UGT2B7: variants seen among roughly 807,000 people sequenced by gnomAD.
UGT2B7 encodes the protein UDP-glucuronosyltransferase 2B7.
A neutral mutation model predicts 51.9 loss-of-function variants in UGT2B7; 51 were observed. The ratio of observed to expected loss-of-function variants is 0.98; its 90% CI spans 0.78 to 1.24. UGT2B7 has a LOEUF of 1.24. UGT2B7 is among the 50% of genes most tolerant of loss of function. The pLI is 0.00. For missense variants in UGT2B7, 727 were observed against 628.4 expected (o/e 1.16, Z -1.68); for synonymous variants, 225 against 211.6 (o/e 1.06, Z -0.55).
intron 1 of UGT2B7, among the ~76,000 whole-genome samples, chr4:69,062,845 G>T (rs1313699987): frequency 6.6e-6 from 1 of 152,080 alleles, no homozygotes; most frequent in Middle Eastern, 3.2e-3. Flanking sequence ...GAAATCTTAG[G>T]CCCAGTAATC....
chr4:69,106,114 A>G (rs959402994), intron 3 of UGT2B7, among the ~76,000 whole-genome samples: 3 of 152,100 alleles, frequency 2.0e-5, no homozygotes, highest in African/African-American at 7.2e-5. Context: ...TTTATTTGTA[A>G]CTTTTATTTT....
rs967250914 is a variant in UGT2B7, at chr4:69,060,316, G to A, written c.-159+8714G>A. Among the ~76,000 whole-genome samples the A allele has an allele frequency of 5.3e-5, 8 of 152,212 alleles. 1 individual carries two copies. The highest frequency in any genetic ancestry group is 1.2e-4 in the African/African-American group (5 of 41,464). On this transcript the variant is annotated intron_variant, in intron 1 of 5. Coordinates refer to the UGT2B7 transcript ENST00000502942. ...GGTAGTGAACAGAAGCAGACCATTT[G>A]TACACTTCCTACTCCAACCACCCGG...
intron 2 of UGT2B7, among the ~76,000 whole-genome samples, chr4:69,101,868 T>A (rs1719428547): frequency 6.6e-6 from 1 of 152,156 alleles, no homozygotes; most frequent in Non-Finnish European, 1.5e-5. Flanking sequence ...GTGTGTGAGC[T>A]ACTCAAAAAA....
At chr4:69,108,066 C>T (rs1440907447) in intron 4 of UGT2B7, 37 bp from the exon 5 acceptor site, 1 of 1,601,354 alleles carries the variant, frequency 6.2e-7, no homozygotes, top group East Asian at 2.2e-5. Flanking sequence ...TCATTTTATT[C>T]CTATGAGTAA....
chr4:69,066,170 T>A (rs1386544404), intron 1 of UGT2B7, among the ~76,000 whole-genome samples: 1 of 152,174 alleles, frequency 6.6e-6, no homozygotes, highest in East Asian at 1.9e-4. Flanking sequence ...AGGTACATAC[T>A]TTTTTAAAAC....
chr4:69,086,337 G>GA (rs1231836179), intron 1 of UGT2B7, among the ~76,000 whole-genome samples: 1 of 151,368 alleles, frequency 6.6e-6, no homozygotes, highest in Non-Finnish European at 1.5e-5. Context: ...TTCCATTGTG[G>GA]AAAAAAATTG....
chr4:69,064,518 T>C (rs909790598), intron 1 of UGT2B7, among the ~76,000 whole-genome samples: 7 of 152,226 alleles, frequency 4.6e-5, no homozygotes, highest in African/African-American at 9.6e-5. Flanking sequence ...AAAACCTAGA[T>C]AACAGACATC....
chr4:69,070,421 A>G (rs1718575886), intron 1 of UGT2B7, among the ~76,000 whole-genome samples: 1 of 145,416 alleles, frequency 6.9e-6, no homozygotes, highest in Admixed American at 6.9e-5. Context: ...TATATGGAAT[A>G]TATGTGTCCC....
rs573996603 is a variant in UGT2B7 at position 69,056,824 on chromosome 4, C to T, written c.-159+5222C>T. On this transcript the variant is annotated intron_variant, in intron 1 of 5. Coordinates refer to the UGT2B7 transcript ENST00000502942. ...TAACAAAAATAAGAGTGAGAACTCC[C>T]GCTAATAAAAAGTGAGAGTCTCAAA... 3.2e-4 allele frequency among the ~76,000 whole-genome samples: 49 copies of T among 152,046 alleles called. 1 individual carries two copies. The highest frequency in any genetic ancestry group is 1.9e-3 in the Admixed American group (29 of 15,278).
intron 4 of UGT2B7, 45 bp from the exon 5 acceptor site, chr4:69,108,058 A>G (rs369355939): frequency 1.7e-4 from 270 of 1,595,094 alleles, no homozygotes; most frequent in South Asian, 1.7e-3. Flanking sequence ...TGTGCATCTC[A>G]TTTTATTCCT....
At chr4:69,061,841 C>A (rs190093686) in intron 1 of UGT2B7, among the ~76,000 whole-genome samples, 42 of 152,284 alleles carry the variant, frequency 2.8e-4, no homozygotes, top group Admixed American at 2.4e-3. Context: ...TGCTTATGGA[C>A]TTCTCCGAAT....
At chr4:69,093,082 C>T (rs957574997), upstream of UGT2B7, among the ~76,000 whole-genome samples, 3 of 152,076 alleles carry the variant, frequency 2.0e-5, no homozygotes, top group East Asian at 1.9e-4. Flanking sequence ...GCAAAGATGG[C>T]GGCCCATATC....
At chr4:69,084,531 T>C (rs1718906856) in intron 1 of UGT2B7, among the ~76,000 whole-genome samples, 1 of 152,120 alleles carries the variant, frequency 6.6e-6, no homozygotes, top group African/African-American at 2.4e-5. Context: ...ACATGTTCCA[T>C]GGTGGTTTGC....
chr4:69,080,690 C>T (rs1307683153), intron 1 of UGT2B7, among the ~76,000 whole-genome samples: 2 of 152,122 alleles, frequency 1.3e-5, no homozygotes, highest in Non-Finnish European at 2.9e-5. Context: ...TGAAAAGTCT[C>T]AGCTGAAGCA....
rs531708806 is a variant in UGT2B7, at chr4:69,056,838, G to A, written c.-159+5236G>A. Among the ~76,000 whole-genome samples the A allele has an allele frequency of 3.9e-5, 6 of 152,202 alleles. No homozygotes were observed. In the East Asian group the frequency reaches 1.2e-3, roughly 29 times the overall value. On this transcript the variant is annotated intron_variant, in intron 1 of 5. Transcript: ENST00000502942. ...GTGAGAACTCCCGCTAATAAAAAGT[G>A]AGAGTCTCAAAAGGGGGGAATGAAG...
At chr4:69,053,245 C>T (rs1370629709) in intron 1 of UGT2B7, among the ~76,000 whole-genome samples, 1 of 152,032 alleles carries the variant, frequency 6.6e-6, no homozygotes, top group East Asian at 1.9e-4. Context: ...GTATAAAAAT[C>T]ATACAAGAAG....
intron 1 of UGT2B7, among the ~76,000 whole-genome samples, chr4:69,086,483 G>A (rs1300085197): frequency 6.6e-6 from 1 of 151,874 alleles, no homozygotes; most frequent in Non-Finnish European, 1.5e-5. Context: ...AAATGTCCGT[G>A]TTAGGTTTAT....
intron 3 of UGT2B7, among the ~76,000 whole-genome samples, chr4:69,106,065 A>G (rs1448503943): frequency 6.6e-6 from 1 of 152,144 alleles, no homozygotes; most frequent in Non-Finnish European, 1.5e-5. Flanking sequence ...ATACATTTTT[A>G]GAATATTTTT....
At chr4:69,053,472 C>T (rs574885257) in intron 1 of UGT2B7, among the ~76,000 whole-genome samples, 181 of 152,338 alleles carry the variant, frequency 1.2e-3, no homozygotes, top group African/African-American at 4.2e-3. Context: ...TATGCTTGTG[C>T]ACATGGCAGG....
Sources: gnomAD v4.1 joint callset for allele counts (sites outside exome capture counted in the v4.1 genomes callset) on GRCh38, gnomAD v4.1.1 for gene constraint, MANE v1.5 for transcripts, NCBI Gene and HGNC (gene_info 2026-07-23, HGNC 2026-07-21) for gene names.